Variants in RAD54B observed in about 807,000 individuals in gnomAD.
The protein encoded by RAD54B is DNA repair and recombination protein RAD54B.
A neutral mutation model predicts 95.8 loss-of-function variants in RAD54B; 78 were observed. The observed-to-expected ratio is 0.81, with a 90% CI of 0.68 to 0.98. The LOEUF (loss-of-function observed/expected upper bound fraction) is 0.98, where lower values mean the gene tolerates loss of function less well. Among genes scored for constraint, RAD54B ranks in the 50% least tolerant of loss-of-function variants. The pLI, the probability that RAD54B is intolerant of heterozygous loss-of-function variation, is 0.00. For missense variants in RAD54B, 957 were observed against 1,056.6 expected (o/e 0.91, Z 1.31); for synonymous variants, 328 against 354.9 (o/e 0.92, Z 0.85).
chr8:94,421,729 C>T (rs1446571198), intron 3 of RAD54B, among the ~76,000 whole-genome samples: 1 of 152,186 alleles, frequency 6.6e-6, no homozygotes, highest in Non-Finnish European at 1.5e-5. Context: ...CCAGACAATT[C>T]TGCCCCCTAC....
intron 2 of RAD54B, among the ~76,000 whole-genome samples, chr8:94,460,307 C>T (rs1170613476): frequency 1.8e-4 from 28 of 151,992 alleles, no homozygotes; most frequent in Admixed American, 1.8e-3. Context: ...TCAGTCTCTA[C>T]AAAAAATACA....
rs368346636 is a variant in RAD54B, at chr8:94,449,475, G to A, written c.304+8793C>T. ...AATACAAAAATTAGTCAGGTGTGGT[G>A]GTGGGCACCTGTAATCCCAGCTACT... On this transcript the variant is annotated intron_variant, in intron 3 of 14. Coordinates refer to ENST00000336148, the MANE Select transcript of RAD54B (RefSeq NM_012415.3). Among the ~76,000 whole-genome samples, 18 of 152,144 alleles carry A rather than the reference G, an allele frequency of 1.2e-4. No individual in the cohort carries two copies. The East Asian group carries it at 2.5e-3, about 21-fold the overall frequency.
intron 3 of RAD54B, among the ~76,000 whole-genome samples, chr8:94,451,893 T>C (rs1460220890): frequency 1.3e-5 from 2 of 152,218 alleles, no homozygotes; most frequent in African/African-American, 4.8e-5. Flanking sequence ...ATTTTTAAAT[T>C]TGTTTCTGCC....
At chr8:94,397,841 A>G (rs1811183895) in intron 8 of RAD54B, among the ~76,000 whole-genome samples, 1 of 152,030 alleles carries the variant, frequency 6.6e-6, no homozygotes, top group Non-Finnish European at 1.5e-5. Context: ...AAGAAGAAAC[A>G]GTCTTTTTCT....
chr8:94,419,002 T>G (rs1158400028), intron 3 of RAD54B, among the ~76,000 whole-genome samples: 1 of 152,144 alleles, frequency 6.6e-6, no homozygotes, highest in African/African-American at 2.4e-5. Flanking sequence ...ATTTCCTCTT[T>G]GCTAGACTCT....
chr8:94,456,264 C>T (rs967328916), intron 3 of RAD54B, among the ~76,000 whole-genome samples: 9 of 152,078 alleles, frequency 5.9e-5, no homozygotes, highest in African/African-American at 1.7e-4. Context: ...CAAAGTGTCC[C>T]GTGAATTCAA....
intron 8 of RAD54B, among the ~76,000 whole-genome samples, chr8:94,397,126 A>G (rs1811166435): frequency 6.6e-6 from 1 of 152,188 alleles, no homozygotes; most frequent in Non-Finnish European, 1.5e-5. Context: ...ATTTTCCAGT[A>G]AATATTAACT....
chr8:94,472,019 A>C (rs532006335), intron 1 of RAD54B, among the ~76,000 whole-genome samples: 124 of 152,170 alleles, frequency 8.1e-4, no homozygotes, highest in Non-Finnish European at 1.3e-3. Flanking sequence ...CAATTTCATC[A>C]ATGTTAAAAT....
At chr8:94,423,412 C>T (rs1811870093) in intron 3 of RAD54B, among the ~76,000 whole-genome samples, 1 of 152,130 alleles carries the variant, frequency 6.6e-6, no homozygotes, top group Non-Finnish European at 1.5e-5. Context: ...AACTTGTTAT[C>T]ATCAGGATCA....
chr8:94,434,770 G>A (rs1259998194), intron 3 of RAD54B, among the ~76,000 whole-genome samples: 1 of 151,408 alleles, frequency 6.6e-6, no homozygotes, highest in African/African-American at 2.4e-5. Context: ...GAATTTAAAA[G>A]GCATGTTTCT....
chr8:94,391,704 G>A lies in RAD54B; in HGVS notation c.1714C>T (p.Leu572Phe), dbSNP rs1811025345. 1 of 1,613,882 alleles carries A rather than the reference G, an allele frequency of 6.2e-7. No homozygotes were observed. Among genetic ancestry groups the A allele is most frequent in the Admixed American group, 1.7e-5 (1 of 59,982 alleles). The change falls in exon 10 of 15, where the codon CTT (leucine) becomes TTT (phenylalanine). Residue 572 changes from leucine to phenylalanine, a missense_variant. Transcript: ENST00000336148. ...GGACTATTTTCCAACAACCCTTGAA[G>A]GCAGAACCTGACAACCTGAGAATTT... ...LLNSQVVRFCLQGLLENSPHL... is the reference protein window; with the variant it reads ...LLNSQVVRFCFQGLLENSPHL...
intron 5 of RAD54B, among the ~76,000 whole-genome samples, chr8:94,404,810 G>C (rs1365925048): frequency 6.6e-6 from 1 of 151,978 alleles, no homozygotes; most frequent in Non-Finnish European, 1.5e-5. Context: ...TGAATGTCAA[G>C]TTCATAAAGC....
chr8:94,458,803 G>C (rs983935615), intron 2 of RAD54B, among the ~76,000 whole-genome samples: 2 of 151,982 alleles, frequency 1.3e-5, no homozygotes, highest in African/African-American at 4.8e-5. Flanking sequence ...GGAGGCGGAG[G>C]TTGCAGTGAG....
At chr8:94,383,032 C>T (rs1810782118) in intron 11 of RAD54B, among the ~76,000 whole-genome samples, 1 of 152,106 alleles carries the variant, frequency 6.6e-6, no homozygotes, top group Non-Finnish European at 1.5e-5. Flanking sequence ...CACTGTGGCT[C>T]ACACCTGTAA....
chr8:94,450,304 C>A (rs1812623479), intron 3 of RAD54B, among the ~76,000 whole-genome samples: 1 of 152,176 alleles, frequency 6.6e-6, no homozygotes, highest in Non-Finnish European at 1.5e-5. Context: ...GTCCCTTAAA[C>A]CTCAACCATA....
At chr8:94,436,672 T>C in intron 3 of RAD54B, 1 of 1,550,646 alleles carries the variant, frequency 6.4e-7, no homozygotes, top group South Asian at 1.2e-5. Flanking sequence ...GCGTAGGCCC[T>C]GTGCTGTTCG....
rs542170238 is a variant in RAD54B, at chr8:94,395,495, A to G, written c.1379-1613T>C. On this transcript the variant is annotated intron_variant, in intron 8 of 14. Coordinates refer to ENST00000336148, the MANE Select transcript of RAD54B (RefSeq NM_012415.3). ...GTCAGTCGTTGATTGCAAACTATAG[A>G]GGAGAATACAGCTCTCATTCAATCA... 7.9e-5 allele frequency among the ~76,000 whole-genome samples: 12 copies of G among 152,302 alleles called. No homozygotes were observed. The South Asian group carries it at 1.7e-3, about 21-fold the overall frequency.
At chr8:94,387,274 C>T in intron 10 of RAD54B, 115 bp from the exon 11 acceptor site, 1 of 841,290 alleles carries the variant, frequency 1.2e-6, no homozygotes, top group Non-Finnish European at 1.8e-6. Context: ...CTGAAAAGTC[C>T]AAGAAACTGT....
chr8:94,417,875 A>G (rs570904385), intron 3 of RAD54B, among the ~76,000 whole-genome samples: 3 of 152,322 alleles, frequency 2.0e-5, no homozygotes, highest in South Asian at 2.1e-4. Context: ...CAGAACCACC[A>G]AAGTTGTTTT....
Sources: allele counts gnomAD v4.1 joint callset (sites outside exome capture counted in the v4.1 genomes callset), GRCh38; gene constraint gnomAD v4.1.1; transcripts MANE v1.5; gene names NCBI Gene and HGNC (gene_info 2026-07-23, HGNC 2026-07-21).